Variants in ZNF200 observed in about 807,000 individuals in gnomAD.
ZNF200 encodes zinc finger protein 200.
A neutral mutation model predicts 33.6 loss-of-function variants in ZNF200; 35 were observed. The observed-to-expected ratio is 1.04, with a 90% CI of 0.80 to 1.38. The LOEUF (loss-of-function observed/expected upper bound fraction) is 1.38. Among genes scored for constraint, ZNF200 ranks in the 40% most tolerant of loss-of-function variants. The probability of loss-of-function intolerance (pLI) is 0.00; values close to 1 mark genes in which losing one functional copy is unlikely to be tolerated. For missense variants in ZNF200, 592 were observed against 470.6 expected, an observed-to-expected ratio of 1.26 and a Z score of -2.39; for synonymous variants, 209 against 167.7, an observed-to-expected ratio of 1.25 and a Z score of -1.90.
chr16:3,229,312 T>C (rs187969166), intron 4 of ZNF200, among the ~76,000 whole-genome samples: 7 of 152,208 alleles, frequency 4.6e-5, no homozygotes, highest in Non-Finnish European at 7.4e-5. Context: ...AAAACATGTA[T>C]TAATTTAGAA....
chr16:3,233,186 AGT>A (rs1596342934), intron 2 of ZNF200, among the ~76,000 whole-genome samples: 2 of 152,340 alleles, frequency 1.3e-5, no homozygotes, highest in Admixed American at 6.5e-5. Context: ...GGCAACGTAA[AGT>A]GTGAAGATGC....
At chr16:3,230,687 T>C (rs909034501) in intron 4 of ZNF200, among the ~76,000 whole-genome samples, 5 of 152,204 alleles carry the variant, frequency 3.3e-5, no homozygotes, top group East Asian at 1.9e-4. Flanking sequence ...TTTGCAAAAA[T>C]TGGTTAAATG....
Position 3,224,631 on chromosome 16 carries a change from T to C in ZNF200, c.467-18A>G. On this transcript the variant is annotated intron_variant, in intron 4 of 4. Coordinates refer to ENST00000414144, the MANE Select transcript of ZNF200 (RefSeq NM_198088.3). ...ATTGACTGCTGAAACAAAGAGAGAA[T>C]TTAACAACTTCTGAGAGATATCACA... 6.4e-7 allele frequency: 1 copy of C among 1,564,804 alleles called. No homozygotes were observed. The highest frequency in any genetic ancestry group is 8.6e-7 in the Non-Finnish European group (1 of 1,157,668).
intron 2 of ZNF200, among the ~76,000 whole-genome samples, 181 bp downstream of exon 2, chr16:3,233,323 CTG>C (rs1239633093): frequency 6.6e-6 from 1 of 152,228 alleles, no homozygotes; most frequent in Non-Finnish European, 1.5e-5. Flanking sequence ...AAGATGCACA[CTG>C]TTTATTCTGT....
chr16:3,225,984 A>C (rs1207686853), intron 4 of ZNF200: 1 of 150,742 alleles, frequency 6.6e-6, no homozygotes, highest in Non-Finnish European at 1.5e-5. Context: ...GTACTCAAGC[A>C]ATCTTCCCAA....
rs1224023372 is a variant in ZNF200 at position 3,232,463 on chromosome 16, C to G, written c.424G>C (p.Glu142Gln). ...CCGACACTGCTGTCATCTTCCTTCT[C>G]TGACGTGAGTTGTTGAGTAGGATCC... Reference protein sequence around the residue: ...SLDPTQQLTSEKEDDSSVGEM... With the variant: ...SLDPTQQLTSQKEDDSSVGEM... Residue 142 changes from glutamate (E) to glutamine (Q), a missense_variant, in exon 4 of 5, where the codon GAG (glutamate) becomes CAG (glutamine). Coordinates refer to ENST00000414144, the MANE Select transcript of ZNF200 (RefSeq NM_198088.3). 4 of 1,614,138 alleles carry G rather than the reference C, an allele frequency of 2.5e-6. No homozygotes were observed. The highest frequency in any genetic ancestry group is 3.4e-6 in the Non-Finnish European group (4 of 1,180,000).
rs1958371311 is a variant in ZNF200 at position 3,223,077 on chromosome 16, C to T, written c.*815G>A. 1 of 152,216 alleles carries T rather than the reference C, an allele frequency of 6.6e-6. No individual in the cohort carries two copies. The highest frequency in any genetic ancestry group is 2.4e-5 in the African/African-American group (1 of 41,446). The allele number at this position is 152,216 out of a possible 1,614,324, so 9.4% of individuals were successfully genotyped here. ...CGTAGCACATGAGATCTGGGCTCAA[C>T]AGAGGGACAAGATTCTGAAGAGCTT... On this transcript the variant is annotated 3_prime_UTR_variant, in exon 5 of 5. Coordinates refer to ENST00000414144, the MANE Select transcript of ZNF200 (RefSeq NM_198088.3).
chr16:3,227,576 G>A (rs1958504660), intron 4 of ZNF200: 1 of 152,208 alleles, frequency 6.6e-6, no homozygotes, highest in Admixed American at 6.5e-5. Flanking sequence ...GAAGGTAACT[G>A]AGTCATGGGC....
rs905893225 is a variant in ZNF200 at position 3,223,458 on chromosome 16, T to G, written c.*434A>C. On this transcript the variant is annotated 3_prime_UTR_variant, in exon 5 of 5. Coordinates refer to ENST00000414144, the MANE Select transcript of ZNF200 (RefSeq NM_198088.3). ...GTTGGCTAACAAGCCAGTAATTTGG[T>G]TCTTTCACCAGAACACAGTTCCAGA... 1 of 156,412 alleles carries G rather than the reference T, an allele frequency of 6.4e-6. No individual in the cohort carries two copies. The highest frequency in any genetic ancestry group is 1.4e-5 in the Non-Finnish European group (1 of 71,054). The allele number at this position is 156,412 out of a possible 1,614,324, so 9.7% of individuals were successfully genotyped here. A position where few individuals can be genotyped will look rare whatever the true frequency, so the allele number is the denominator to read the frequency against.
intron 3 of ZNF200, 44 bp from the exon 4 acceptor site, chr16:3,232,591 A>G (rs1958664185): frequency 6.2e-7 from 1 of 1,607,128 alleles, no homozygotes; most frequent in South Asian, 1.1e-5. Flanking sequence ...ACTGAGGTTC[A>G]CTGACAGCCC....
intron 4 of ZNF200, chr16:3,226,449 TCTA>T (rs1417265475): frequency 4.6e-5 from 7 of 152,234 alleles, no homozygotes; most frequent in Admixed American, 2.6e-4. Context: ...CAAAAACAGC[TCTA>T]CTAATTTCAT....
rs184208051 is a variant in ZNF200 at position 3,225,627 on chromosome 16, T to C, written c.467-1014A>G. The C allele has an allele frequency of 3.3e-5, 5 of 152,306 alleles. No homozygotes were observed. The East Asian group carries it at 9.6e-4, about 29-fold the overall frequency. The allele number at this position is 152,306 out of a possible 1,614,324, so 9.4% of individuals were successfully genotyped here. Reference sequence around the variant, plus strand: ...TTTTGGGTGGTGCTTAGTGTGTACATTTTGTGAAAACTTGAGCTATATATT... The same window carrying C: ...TTTTGGGTGGTGCTTAGTGTGTACACTTTGTGAAAACTTGAGCTATATATT... On this transcript the variant is annotated intron_variant, in intron 4 of 4. Transcript: ENST00000414144.
chr16:3,233,945 C>T, intron 1 of ZNF200, 109 bp from the exon 2 acceptor site: 2 of 779,468 alleles, frequency 2.6e-6, no homozygotes, highest in Non-Finnish European at 3.8e-6. Context: ...AAAACGACAG[C>T]TGGGATAGGG....
intron 4 of ZNF200, among the ~76,000 whole-genome samples, chr16:3,230,825 C>A (rs888839761): frequency 6.6e-6 from 1 of 152,200 alleles, no homozygotes; most frequent in Admixed American, 6.5e-5. Context: ...ATCATGGATT[C>A]AATCTCATCC....
At chr16:3,230,702 T>C (rs1004980172) in intron 4 of ZNF200, among the ~76,000 whole-genome samples, 4 of 152,230 alleles carry the variant, frequency 2.6e-5, no homozygotes, top group African/African-American at 7.2e-5. Context: ...TAAATGTTAC[T>C]GTTTCAATTA....
rs771460742 is a variant in ZNF200, at chr16:3,222,503, A to G, written c.*1389T>C. The G allele has an allele frequency of 3.3e-5, 5 of 152,242 alleles. No homozygotes were observed. The highest frequency in any genetic ancestry group is 7.3e-5 in the Non-Finnish European group (5 of 68,048). 9.4% of individuals were successfully genotyped at this position (152,242 alleles called of 1,614,324 possible). A position where few individuals can be genotyped will look rare whatever the true frequency, so the allele number is the denominator to read the frequency against. On this transcript the variant is annotated 3_prime_UTR_variant, in exon 5 of 5. Transcript: ENST00000414144. ...TAAAAATATAATGGAAAAAACTACA[A>G]TAACAAAATTGTGTAAAACAAGTGA...
intron 4 of ZNF200, among the ~76,000 whole-genome samples, chr16:3,230,874 C>T (rs1463191575): frequency 6.6e-6 from 1 of 152,168 alleles, no homozygotes; most frequent in East Asian, 1.9e-4. Flanking sequence ...TGCCCCGGGT[C>T]CAAATCTTAC....
intron 4 of ZNF200, among the ~76,000 whole-genome samples, chr16:3,228,879 A>G (rs8047452): frequency 1 from 152,303 of 152,304 alleles, 76,151 homozygotes; most frequent in Middle Eastern, 1. Context: ...AAGGGGTAAA[A>G]ACAAATTAAA....
At chr16:3,232,635 G>A in intron 3 of ZNF200, 88 bp from the exon 4 acceptor site, 2 of 1,566,332 alleles carry the variant, frequency 1.3e-6, no homozygotes, top group Non-Finnish European at 1.7e-6. Context: ...CAAAGATCAA[G>A]GGAAGGGATA....
Sources: allele counts gnomAD v4.1 joint callset (sites outside exome capture counted in the v4.1 genomes callset), GRCh38; gene constraint gnomAD v4.1.1; transcripts MANE v1.5; gene names NCBI Gene and HGNC (gene_info 2026-07-23, HGNC 2026-07-21).